ANTXR1: variants seen among roughly 807,000 people sequenced by gnomAD.
ANTXR1 encodes the protein ANTXR cell adhesion molecule 1, also known as anthrax toxin receptor 1.
In ANTXR1, 19 loss-of-function variants were observed where a neutral mutation model predicts 78.1. The ratio of observed to expected loss-of-function variants is 0.24; its 90% CI spans 0.17 to 0.36. The LOEUF (loss-of-function observed/expected upper bound fraction) is 0.36, where lower values mean the gene tolerates loss of function less well. Ranked by LOEUF, ANTXR1 falls within the 10% of genes least tolerant of loss-of-function variation. ANTXR1 has a pLI of 1.00. For missense variants in ANTXR1, 518 were observed against 718.6 expected (o/e 0.72, Z 3.19); for synonymous variants, 273 against 260.5 (o/e 1.05, Z -0.46).
At chr2:69,187,702 C>T (rs1674454522) in intron 16 of ANTXR1, among the ~76,000 whole-genome samples, 1 of 150,724 alleles carries the variant, frequency 6.6e-6, no homozygotes, top group South Asian at 2.1e-4. Context: ...ATTCTCCTGC[C>T]TCAGCCTCCC....
Position 69,139,837 on chromosome 2 carries a change from C to T in ANTXR1, c.952-12332C>T, listed in dbSNP as rs139720465. Among the ~76,000 whole-genome samples the T allele has an allele frequency of 7.6e-3, 1,164 of 152,212 alleles. 17 individuals carry two copies. The highest frequency in any genetic ancestry group is 0.025 in the African/African-American group (1,021 of 41,528). ...AATGGCTACATTAACGGTAAGTAAA[C>T]GAATCACTATATTTAGTAAAACAAA... On this transcript the variant is annotated intron_variant, in intron 12 of 17. Coordinates refer to ENST00000303714, the MANE Select transcript of ANTXR1 (RefSeq NM_032208.3).
chr2:69,111,830 A>C (rs1269725557), intron 10 of ANTXR1, among the ~76,000 whole-genome samples: 1 of 152,208 alleles, frequency 6.6e-6, no homozygotes, highest in Admixed American at 6.5e-5. Context: ...CCAGAAACTA[A>C]ACTTCATCTT....
intron 1 of ANTXR1, among the ~76,000 whole-genome samples, chr2:69,020,720 C>T (rs949678699): frequency 2.0e-5 from 3 of 152,180 alleles, no homozygotes; most frequent in East Asian, 3.8e-4. Context: ...GATTACTCTG[C>T]AATAAAAGAC....
At chr2:69,196,190 G>C (rs914891392) in intron 17 of ANTXR1, among the ~76,000 whole-genome samples, 2 of 152,116 alleles carry the variant, frequency 1.3e-5, no homozygotes, top group Non-Finnish European at 2.9e-5. Flanking sequence ...GTTTTTGAGA[G>C]ACATAATACC....
At chr2:69,164,788 CTA>C (rs1371135053) in intron 13 of ANTXR1, among the ~76,000 whole-genome samples, 1 of 152,212 alleles carries the variant, frequency 6.6e-6, no homozygotes, top group African/African-American at 2.4e-5. Flanking sequence ...AGAAATAGTT[CTA>C]TGTCTTCCCC....
At chr2:69,039,322 A>G (rs1265982464) in intron 1 of ANTXR1, among the ~76,000 whole-genome samples, 1 of 152,232 alleles carries the variant, frequency 6.6e-6, no homozygotes, top group African/African-American at 2.4e-5. Context: ...CTTGGGAAAT[A>G]AAGAAGCCCC....
intron 11 of ANTXR1, 36 bp from the exon 12 acceptor site, chr2:69,124,529 C>T: frequency 6.2e-7 from 1 of 1,601,026 alleles, no homozygotes; most frequent in Non-Finnish European, 8.6e-7. Context: ...CATTGCACGC[C>T]CTGCTGAGAG....
At chr2:69,197,887 G>A (rs1224392365) in intron 17 of ANTXR1, among the ~76,000 whole-genome samples, 1 of 152,198 alleles carries the variant, frequency 6.6e-6, no homozygotes, top group East Asian at 1.9e-4. Context: ...GGTCCATGAT[G>A]ATATGGCGTG....
intron 12 of ANTXR1, among the ~76,000 whole-genome samples, chr2:69,134,736 G>A (rs1672862302): frequency 6.6e-6 from 1 of 152,172 alleles, no homozygotes; most frequent in African/African-American, 2.4e-5. Context: ...ACTTCTCTTA[G>A]TGCAGTTCAG....
At chr2:69,125,669 T>C (rs6743865) in intron 12 of ANTXR1, among the ~76,000 whole-genome samples, 57,705 of 151,470 alleles carry the variant, frequency 0.38, 12,998 homozygotes, top group African/African-American at 0.63. Flanking sequence ...GGTGAAACCC[T>C]ATCTCTACAA....
intron 12 of ANTXR1, among the ~76,000 whole-genome samples, chr2:69,137,470 A>G (rs1672944699): frequency 1.3e-5 from 2 of 152,170 alleles, no homozygotes; most frequent in African/African-American, 4.8e-5. Context: ...TATTCCAGAT[A>G]GTCTTTTGGG....
intron 17 of ANTXR1, among the ~76,000 whole-genome samples, chr2:69,224,860 C>G (rs1213454886): frequency 1.3e-5 from 2 of 152,212 alleles, no homozygotes; most frequent in Non-Finnish European, 2.9e-5. Context: ...ATGTGACTAA[C>G]ATATGAAAAG....
chr2:69,172,252 T>A, intron 14 of ANTXR1: 1 of 806,158 alleles, frequency 1.2e-6, no homozygotes, highest in Non-Finnish European at 2.1e-6. Context: ...CAATAAAAAT[T>A]TAAACATTGT....
rs184595241 is a variant in ANTXR1 at position 69,081,668 on chromosome 2, C to T, written c.642+4180C>T. On this transcript the variant is annotated intron_variant, in intron 8 of 17. Transcript: ENST00000303714. ...AATGTTACAGATGAAGAAACTGAAGCTCAGATAACCTGCCCAAGACCACAC... is the reference window on the plus strand; with the variant it reads ...AATGTTACAGATGAAGAAACTGAAGTTCAGATAACCTGCCCAAGACCACAC... Among the ~76,000 whole-genome samples, 38 of 152,340 alleles carry T rather than the reference C, an allele frequency of 2.5e-4. 1 individual carries two copies. Among genetic ancestry groups the T allele is most frequent in the Admixed American group, 2.3e-3 (35 of 15,308 alleles).
At chr2:69,093,490 CAAAAAT>C (rs2104290494) in intron 9 of ANTXR1, among the ~76,000 whole-genome samples, 1 of 152,136 alleles carries the variant, frequency 6.6e-6, no homozygotes, top group Non-Finnish European at 1.5e-5. Context: ...ACCACAAAAA[CAAAAAT>C]GACACAGAAA....
At chr2:69,132,173 A>G (rs1672769850) in intron 12 of ANTXR1, among the ~76,000 whole-genome samples, 1 of 152,218 alleles carries the variant, frequency 6.6e-6, no homozygotes, top group African/African-American at 2.4e-5. Context: ...AATACCAGAA[A>G]CATAGATTAC....
At chr2:69,171,067 A>G (rs995810111) in intron 14 of ANTXR1, among the ~76,000 whole-genome samples, 4 of 152,256 alleles carry the variant, frequency 2.6e-5, no homozygotes, top group Non-Finnish European at 5.9e-5. Flanking sequence ...TAAACACTCA[A>G]TGAGACCAAA....
chr2:69,153,718 T>C lies in ANTXR1; in HGVS notation c.1047+1454T>C, dbSNP rs141195478. 9.9e-3 allele frequency among the ~76,000 whole-genome samples: 1,505 copies of C among 152,248 alleles called. 27 individuals are homozygous for C. Among genetic ancestry groups the C allele is most frequent in the African/African-American group, 0.034 (1,424 of 41,538 alleles). ...GTCTAGAAAAAGAAAAGAAAAACCT[T>C]ACAGTGGGTTCTTAAAGAAGAGTCG... On this transcript the variant is annotated intron_variant, in intron 13 of 17. Transcript: ENST00000303714.
At chr2:69,200,930 G>A (rs1426732400) in intron 17 of ANTXR1, among the ~76,000 whole-genome samples, 2 of 152,188 alleles carry the variant, frequency 1.3e-5, no homozygotes, top group African/African-American at 2.4e-5. Context: ...CACACAGCTG[G>A]TAAGGAGGTC....
Sources: allele counts gnomAD v4.1 joint callset (sites outside exome capture counted in the v4.1 genomes callset), GRCh38; gene constraint gnomAD v4.1.1; transcripts MANE v1.5; gene names NCBI Gene and HGNC (gene_info 2026-07-23, HGNC 2026-07-21).